The following STARD13 variants were observed in gnomAD, a reference collection of about 807,000 sequenced individuals.
The protein encoded by STARD13 is StAR related lipid transfer domain containing 13.
In STARD13, 62 loss-of-function variants were observed where a neutral mutation model predicts 106.4. The observed-to-expected ratio is 0.58, with a 90% CI of 0.48 to 0.72. STARD13 has a LOEUF of 0.72. Ranked by LOEUF, STARD13 falls within the 30% of genes least tolerant of loss-of-function variation. The probability of loss-of-function intolerance (pLI) is 0.00; values close to 1 mark genes in which losing one functional copy is unlikely to be tolerated. For missense variants in STARD13, 1,387 were observed against 1,424.0 expected (o/e 0.97, Z 0.42); for synonymous variants, 565 against 553.0 (o/e 1.02, Z -0.31).
chr13:33,207,899 C>T (rs151169681), intron 1 of STARD13, among the ~76,000 whole-genome samples: 206 of 152,290 alleles, frequency 1.4e-3, no homozygotes, highest in Non-Finnish European at 2.2e-3. Context: ...ATAGGGGCTG[C>T]TCCTGCTCCT....
intron 1 of STARD13, among the ~76,000 whole-genome samples, chr13:33,231,433 A>G (rs1301579687): frequency 6.6e-6 from 1 of 152,204 alleles, no homozygotes; most frequent in African/African-American, 2.4e-5. Context: ...TGGGACTCCT[A>G]TAACACACAT....
chr13:33,213,290 T>A (rs1171038865), intron 1 of STARD13, among the ~76,000 whole-genome samples: 1 of 152,166 alleles, frequency 6.6e-6, no homozygotes, highest in East Asian at 1.9e-4. Context: ...CTCTGGCTTA[T>A]ATTACCCAAA....
chr13:33,648,949 T>A, the STARD13 span, among the ~76,000 whole-genome samples: 79 of 151,854 alleles, frequency 5.2e-4, no homozygotes, highest in African/African-American at 1.3e-3. Flanking sequence ...TGCATCACCA[T>A]GCCCAGCTAA....
chr13:33,126,165 T>C lies in STARD13; in HGVS notation c.1998A>G (p.Ile666Met), dbSNP rs766673404. The C allele has an allele frequency of 1.9e-6, 3 of 1,614,088 alleles. No individual in the cohort carries two copies. The South Asian group carries it at 3.3e-5, about 18-fold the overall frequency. The change falls in exon 7 of 14, where the codon ATA (isoleucine) becomes ATG (methionine). Residue 666 changes from isoleucine (I) to methionine (M), a missense_variant. Coordinates refer to ENST00000336934, the MANE Select transcript of STARD13 (RefSeq NM_178006.4). The part of the protein sequence containing the change: ...KDKAVFGVPL[I>M]VHVQRTGQPL... ...GCTGTCCCGTTCTTTGGACGTGGAC[T>C]ATGAGAGGAACGCCAAAGACAGCCT...
the STARD13 span, among the ~76,000 whole-genome samples, chr13:33,511,149 T>C: frequency 6.6e-6 from 1 of 151,920 alleles, no homozygotes; most frequent in Admixed American, 6.6e-5. Flanking sequence ...CCTTCTCTAC[T>C]CAAAATACAA....
At chr13:33,439,468 T>C in the STARD13 span, among the ~76,000 whole-genome samples, 1 of 152,240 alleles carries the variant, frequency 6.6e-6, no homozygotes, top group Non-Finnish European at 1.5e-5. Flanking sequence ...AAAATGGAGA[T>C]AAACTCAGCA....
chr13:33,287,941 G>A (rs1485550845), upstream of STARD13, among the ~76,000 whole-genome samples: 2 of 152,208 alleles, frequency 1.3e-5, no homozygotes, highest in African/African-American at 2.4e-5. Context: ...GAAAAAATAC[G>A]TAGCTTTTTA....
the STARD13 span, among the ~76,000 whole-genome samples, chr13:33,629,249 A>G: frequency 6.6e-6 from 1 of 152,252 alleles, no homozygotes; most frequent in Admixed American, 6.5e-5. Context: ...TTGGTAAGAC[A>G]ACAATAATGT....
At chr13:33,135,169 T>C (rs1257733313) in intron 4 of STARD13, among the ~76,000 whole-genome samples, 1 of 152,240 alleles carries the variant, frequency 6.6e-6, no homozygotes, top group Admixed American at 6.5e-5. Context: ...AAAGAACTAA[T>C]AGCTTGATTT....
At chr13:33,261,439 T>G (rs1343310408) in intron 1 of STARD13, among the ~76,000 whole-genome samples, 2 of 152,180 alleles carry the variant, frequency 1.3e-5, no homozygotes, top group Non-Finnish European at 2.9e-5. Context: ...AGCGCTCCTT[T>G]TAGAGAAAAT....
chr13:33,215,828 A>C (rs1349512555), intron 1 of STARD13, among the ~76,000 whole-genome samples: 1 of 152,226 alleles, frequency 6.6e-6, no homozygotes, highest in Non-Finnish European at 1.5e-5. Flanking sequence ...CAAAGGGCTA[A>C]TATCCAGAAT....
At chr13:33,472,661 C>G in the STARD13 span, among the ~76,000 whole-genome samples, 7 of 151,962 alleles carry the variant, frequency 4.6e-5, no homozygotes, top group Non-Finnish European at 8.8e-5. Context: ...GAGCTCAGTG[C>G]GGTTTTCTTG....
chr13:33,383,754 C>CAAAAAAAAAAAAA, the STARD13 span: 4 of 27,776 alleles, frequency 1.4e-4, no homozygotes, highest in East Asian at 1.5e-3. Flanking sequence ...GAGACTGTCT[C>CAAAAAAAAAAAAA]AAAAAAAAAA....
chr13:33,350,518 C>T, exon 1 of STARD13: 1 of 1,450,936 alleles, frequency 6.9e-7, no homozygotes, highest in South Asian at 1.4e-5. Flanking sequence ...GGCACTCCCG[C>T]CGGGGTCCCG....
the STARD13 span, among the ~76,000 whole-genome samples, chr13:33,623,428 TAAAA>T: frequency 5.6e-4 from 33 of 59,358 alleles, no homozygotes; most frequent in African/African-American, 9.9e-4. Context: ...CTCAATAAAG[TAAAA>T]AAAAAAAAAA....
At chr13:33,141,781 T>C (rs1176230917) in intron 4 of STARD13, among the ~76,000 whole-genome samples, 2 of 152,200 alleles carry the variant, frequency 1.3e-5, no homozygotes, top group Non-Finnish European at 2.9e-5. Context: ...TACTCACTGC[T>C]GTGAAGCATT....
the STARD13 span, among the ~76,000 whole-genome samples, chr13:33,610,701 G>A: frequency 6.6e-6 from 1 of 152,210 alleles, no homozygotes; most frequent in Non-Finnish European, 1.5e-5. Flanking sequence ...CTGGTGGCCG[G>A]GAAATCCCAG....
chr13:33,419,307 C>T, the STARD13 span, among the ~76,000 whole-genome samples: 29 of 152,208 alleles, frequency 1.9e-4, no homozygotes, highest in South Asian at 5.6e-3. Context: ...GGCACGAGAA[C>T]TTCATGACAC....
intron 12 of STARD13, 114 bp from the exon 13 acceptor site, chr13:33,107,048 C>A: frequency 1.0e-6 from 1 of 965,390 alleles, no homozygotes; most frequent in Non-Finnish European, 1.5e-6. Flanking sequence ...GCTCAGATTC[C>A]AATGCTAGTG....
Sources: gnomAD v4.1 joint callset for allele counts (sites outside exome capture counted in the v4.1 genomes callset) on GRCh38, gnomAD v4.1.1 for gene constraint, MANE v1.5 for transcripts, NCBI Gene and HGNC (gene_info 2026-07-23, HGNC 2026-07-21) for gene names.